The following DMD variants were observed in gnomAD, a reference collection of about 807,000 sequenced individuals.
DMD encodes mutant dystrophin.
Under a neutral mutation model 330.1 loss-of-function variants are expected in DMD, and 63 were observed. The observed-to-expected ratio is 0.19, with a 90% confidence interval of 0.16 to 0.24. The LOEUF (loss-of-function observed/expected upper bound fraction) is 0.24. DMD is among the 10% of genes least tolerant of loss of function. The probability of loss-of-function intolerance (pLI) is 1.00; values close to 1 mark genes in which losing one functional copy is unlikely to be tolerated. For synonymous variants in DMD, 1,223 were observed against 959.8 expected (o/e 1.27, Z -5.07); for missense variants, 3,344 against 2,684.1 (o/e 1.25, Z -5.43).
chrX:33,131,687 G>T lies in DMD; in HGVS notation c.31+79595C>A, dbSNP rs746037488. Among the ~76,000 whole-genome samples the T allele has an allele frequency of 9.1e-5, 10 of 109,706 alleles. No individual in the cohort carries two copies. The South Asian group carries it at 2.6e-3, about 29-fold the overall frequency. ...TTCATGCATATCCTCAGGGTTCATCGGTACGATAAGATATCCTCCAAGCTA... is the reference window on the plus strand; with the variant it reads ...TTCATGCATATCCTCAGGGTTCATCTGTACGATAAGATATCCTCCAAGCTA... On this transcript the variant is annotated intron_variant, in intron 1 of 78. Transcript: ENST00000357033.
At chrX:32,608,200 T>A (rs808519) in intron 12 of DMD, among the ~76,000 whole-genome samples, 50,681 of 108,846 alleles carry the variant, frequency 0.47, 10,818 homozygotes, top group African/African-American at 0.84. Flanking sequence ...GGATTTTATA[T>A]TATTATTATT....
intron 55 of DMD, among the ~76,000 whole-genome samples, chrX:31,566,248 C>A (rs2075458365): frequency 9.0e-6 from 1 of 111,724 alleles, no homozygotes; most frequent in African/African-American, 3.2e-5. Context: ...AGTCCATGAT[C>A]TATTTTGAAT....
At position 33,028,886 on chromosome X, in the gene DMD, C is replaced by T. The variant is rs531822660; in HGVS notation, c.32-8686G>A. Among the ~76,000 whole-genome samples the T allele has an allele frequency of 4.5e-5, 5 of 112,009 alleles. No homozygotes were observed. The East Asian group carries it at 1.4e-3, about 32-fold the overall frequency. On this transcript the variant is annotated intron_variant, in intron 1 of 78. Coordinates refer to ENST00000357033, the MANE Select transcript of DMD (RefSeq NM_004006.3). ...TCACACATACACACATACACACACACAAACAGAAAATTAGTTTGTTGTCTT... is the reference window on the plus strand; with the variant it reads ...TCACACATACACACATACACACACATAAACAGAAAATTAGTTTGTTGTCTT...
At chrX:32,138,899 G>A (rs984716175) in intron 44 of DMD, among the ~76,000 whole-genome samples, 2 of 111,748 alleles carry the variant, frequency 1.8e-5, no homozygotes, top group African/African-American at 3.3e-5. Flanking sequence ...CCTATTTGCT[G>A]CATCCACATA....
At chrX:31,314,416 C>T (rs1321306819) in intron 62 of DMD, among the ~76,000 whole-genome samples, 2 of 111,978 alleles carry the variant, frequency 1.8e-5, no homozygotes, top group Non-Finnish European at 3.8e-5. Context: ...GACCATCTGA[C>T]ATGCAATGGC....
chrX:31,971,631 G>A (rs2095400500), intron 44 of DMD, among the ~76,000 whole-genome samples: 1 of 111,422 alleles, frequency 9.0e-6, no homozygotes, highest in African/African-American at 3.3e-5. Context: ...AGAAAAATAA[G>A]GGATCAAAAC....
chrX:32,086,600 T>C (rs1219781887), intron 44 of DMD, among the ~76,000 whole-genome samples: 1 of 111,631 alleles, frequency 9.0e-6, no homozygotes, highest in Non-Finnish European at 1.9e-5. Flanking sequence ...ATATGAATTG[T>C]CACTCCAAGT....
intron 7 of DMD, among the ~76,000 whole-genome samples, chrX:32,754,752 T>C (rs772997145): frequency 9.0e-5 from 10 of 111,591 alleles, no homozygotes; most frequent in Non-Finnish European, 1.7e-4. Context: ...TAATTTATAC[T>C]CAATAGCATT....
chrX:33,086,977 T>C (rs73452080), intron 1 of DMD, among the ~76,000 whole-genome samples: 3,363 of 110,747 alleles, frequency 0.03, 124 homozygotes, highest in African/African-American at 0.1. Flanking sequence ...ATTAGAAAAA[T>C]GCAGAGGAAT....
chrX:31,508,261 A>C, intron 55 of DMD: 3 of 1,205,813 alleles, frequency 2.5e-6, no homozygotes, highest in Non-Finnish European at 3.4e-6. Context: ...CGGGCACTAC[A>C]GCACTGATCC....
At position 32,551,787 on chromosome X, in the gene DMD, C is replaced by T. The variant is rs139093532; in HGVS notation, c.1993-6453G>A. ...ATACACAACCTCAGCAAAGTTTCAG[C>T]ATCCAAAATCAATGTATAAATATCA... On this transcript the variant is annotated intron_variant, in intron 16 of 78. Coordinates refer to ENST00000357033, the MANE Select transcript of DMD (RefSeq NM_004006.3). Among the ~76,000 whole-genome samples the T allele has an allele frequency of 7.2e-3, 805 of 111,731 alleles. 17 individuals are homozygous for T. The highest frequency in any genetic ancestry group is 0.061 in the Admixed American group (643 of 10,477).
intron 1 of DMD, among the ~76,000 whole-genome samples, chrX:33,039,121 T>C (rs751903741): frequency 3.6e-5 from 4 of 112,286 alleles, no homozygotes; most frequent in African/African-American, 1.3e-4. Context: ...TTCCCTCTTT[T>C]CCGTTGTTGG....
Position 31,773,946 on chromosome X carries a change from A to AT in DMD, c.7542+13dup, listed in dbSNP as rs754483930. On this transcript the variant is annotated intron_variant, in intron 51 of 78. Coordinates refer to ENST00000357033, the MANE Select transcript of DMD (RefSeq NM_004006.3). Reference sequence around the variant, plus strand: ...AGAAAAACTTCTGCCAACTTTTATCATTTTTTCTCATACCTTCTGCTTGAT... The same window carrying AT: ...AGAAAAACTTCTGCCAACTTTTATCATTTTTTTCTCATACCTTCTGCTTGAT... 4.5e-5 allele frequency: 54 copies of AT among 1,192,363 alleles called. 1 individual carries two copies. The Admixed American group carries it at 6.9e-4, about 15-fold the overall frequency.
At chrX:32,155,008 C>T (rs960260519) in intron 44 of DMD, among the ~76,000 whole-genome samples, 2 of 109,632 alleles carry the variant, frequency 1.8e-5, no homozygotes, top group Admixed American at 2.0e-4. Context: ...AAAAGCTGGA[C>T]GAACAGAGAA....
intron 57 of DMD, among the ~76,000 whole-genome samples, chrX:31,479,631 T>C (rs2068087230): frequency 8.9e-6 from 1 of 112,362 alleles, no homozygotes; most frequent in Non-Finnish European, 1.9e-5. Flanking sequence ...AAAGTCTCAA[T>C]ACTTTTGAAA....
chrX:31,996,715 A>G (rs1255555566), intron 44 of DMD, among the ~76,000 whole-genome samples: 1 of 111,770 alleles, frequency 8.9e-6, no homozygotes, highest in Non-Finnish European at 1.9e-5. Flanking sequence ...TCATTGTAAT[A>G]TCCTCAGCCT....
chrX:32,122,941 T>A (rs747364506), intron 44 of DMD, among the ~76,000 whole-genome samples: 18 of 109,286 alleles, frequency 1.6e-4, no homozygotes, highest in Non-Finnish European at 2.8e-4. Context: ...TAGCCAGACT[T>A]CACCCCTTAA....
intron 62 of DMD, among the ~76,000 whole-genome samples, chrX:31,306,760 G>A (rs2055066635): frequency 9.0e-6 from 1 of 111,410 alleles, no homozygotes. Flanking sequence ...ACAACCTCAA[G>A]TACTTTTTTT....
chrX:32,888,644 C>T (rs192191747), intron 2 of DMD, among the ~76,000 whole-genome samples: 2 of 111,728 alleles, frequency 1.8e-5, no homozygotes, highest in Non-Finnish European at 3.8e-5. Flanking sequence ...TACAATCCAG[C>T]AATCTCACTA....
Sources: allele counts gnomAD v4.1 joint callset (sites outside exome capture counted in the v4.1 genomes callset), GRCh38; gene constraint gnomAD v4.1.1; transcripts MANE v1.5; gene names NCBI Gene and HGNC (gene_info 2026-07-23, HGNC 2026-07-21).